Variants in FBLN1 observed in about 807,000 individuals in gnomAD.
The protein encoded by FBLN1 is fibulin 1.
Under a neutral mutation model 89.7 loss-of-function variants are expected in FBLN1, and 34 were observed. The ratio of observed to expected loss-of-function variants is 0.38; its 90% CI spans 0.29 to 0.50. The LOEUF (loss-of-function observed/expected upper bound fraction) is 0.50. FBLN1 is among the 20% of genes least tolerant of loss of function. The pLI, the probability that FBLN1 is intolerant of heterozygous loss-of-function variation, is 0.92. For synonymous variants in FBLN1, 393 were observed against 391.3 expected (o/e 1.00, Z -0.05); for missense variants, 777 against 988.1 (o/e 0.79, Z 2.86).
intron 3 of FBLN1, 89 bp downstream of exon 3, chr22:45,525,767 C>A: frequency 6.6e-7 from 1 of 1,504,830 alleles, no homozygotes; most frequent in Non-Finnish European, 9.0e-7. Context: ...TGTCTGTCAG[C>A]GCTCCCTGCC....
intron 16 of FBLN1, among the ~76,000 whole-genome samples, chr22:45,584,075 T>C (rs760979017): frequency 2.0e-5 from 3 of 152,110 alleles, no homozygotes; most frequent in Admixed American, 2.0e-4. Context: ...GTCAACCGCC[T>C]TAAGGAACTG....
rs1445158746 is a variant in FBLN1, at chr22:45,588,744, T to G, written c.1973-11563T>G. On this transcript the variant is annotated intron_variant, in intron 16 of 16. Coordinates refer to ENST00000327858, the MANE Select transcript of FBLN1 (RefSeq NM_006486.3). The surrounding 1 kb of genome is among the most constrained non-coding windows in gnomAD (Gnocchi z 5.1). ...CCTTTAATATCACCGGGCACATTCATAAATTATTCTTTTTTAAAAATGAAA... is the reference window on the plus strand; with the variant it reads ...CCTTTAATATCACCGGGCACATTCAGAAATTATTCTTTTTTAAAAATGAAA... 6.7e-6 allele frequency among the ~76,000 whole-genome samples: 1 copy of G among 149,448 alleles called. No individual in the cohort carries two copies. Among genetic ancestry groups the G allele is most frequent in the East Asian group, 1.9e-4 (1 of 5,138 alleles).
chr22:45,585,603 C>A (rs139033146), intron 16 of FBLN1, among the ~76,000 whole-genome samples: 1 of 152,224 alleles, frequency 6.6e-6, no homozygotes, highest in African/African-American at 2.4e-5. Context: ...AGCCCTGTCA[C>A]CCCGGGGGCC....
chr22:45,538,510 C>A (rs1211493664), intron 8 of FBLN1, among the ~76,000 whole-genome samples: 3 of 152,176 alleles, frequency 2.0e-5, no homozygotes, highest in Admixed American at 6.5e-5. Context: ...TTCCCCCCCA[C>A]TTGACAGGGT....
rs1036662349 is a variant in FBLN1, at chr22:45,581,011, G to A, written c.1972+3903G>A. Among the ~76,000 whole-genome samples, 2 of 152,340 alleles carry A rather than the reference G, an allele frequency of 1.3e-5. No individual in the cohort carries two copies. The highest frequency in any genetic ancestry group is 2.1e-4 in the South Asian group (1 of 4,824). ...GTGCAAAAATGCTCCATTAATGCCC[G>A]AGGGATTCTCAGGCCACTACAAAGC... On this transcript the variant is annotated intron_variant, in intron 16 of 16. Transcript: ENST00000327858. This position sits in a 1 kb window ranked among gnomAD's most constrained non-coding sequence, Gnocchi z 7.6.
chr22:45,584,361 G>A lies in FBLN1; in HGVS notation c.1972+7253G>A, dbSNP rs185786383. Reference sequence around the variant, plus strand: ...CTACCACAGTTTATGTTTTGAAATCGCATTTTAAATTCCATCTGTGGGTGT... The same window carrying A: ...CTACCACAGTTTATGTTTTGAAATCACATTTTAAATTCCATCTGTGGGTGT... On this transcript the variant is annotated intron_variant, in intron 16 of 16. Transcript: ENST00000327858. Among the ~76,000 whole-genome samples the A allele has an allele frequency of 1.7e-4, 26 of 152,246 alleles. 1 individual carries two copies. The East Asian group carries it at 2.3e-3, about 14-fold the overall frequency.
At position 45,556,150 on chromosome 22, in the gene FBLN1, C is replaced by T. The variant is rs904497191; in HGVS notation, c.1697+5535C>T. Among the ~76,000 whole-genome samples the T allele has an allele frequency of 9.9e-5, 15 of 152,158 alleles. No individual in the cohort carries two copies. Among genetic ancestry groups the T allele is most frequent in the Non-Finnish European group, 1.3e-4 (9 of 68,020 alleles). On this transcript the variant is annotated intron_variant, in intron 14 of 16. Coordinates refer to ENST00000327858, the MANE Select transcript of FBLN1 (RefSeq NM_006486.3). The surrounding 1 kb of genome is among the most constrained non-coding windows in gnomAD (Gnocchi z 4.6). ...AGCTGAGATTACAGGTGTGCACCAC[C>T]ATACCCAGCTAATTTTTCTATTTTA...
At chr22:45,551,036 T>A in intron 14 of FBLN1, 1 of 293,894 alleles carries the variant, frequency 3.4e-6, no homozygotes, top group Non-Finnish European at 6.7e-6. Context: ...CGATGTGACC[T>A]GTTGGACGTT....
At position 45,556,046 on chromosome 22, in the gene FBLN1, A is replaced by G. The variant is rs2088784158; in HGVS notation, c.1697+5431A>G. 6.6e-6 allele frequency among the ~76,000 whole-genome samples: 1 copy of G among 152,132 alleles called. No homozygotes were observed. Among genetic ancestry groups the G allele is most frequent in the Non-Finnish European group, 1.5e-5 (1 of 68,020 alleles). On this transcript the variant is annotated intron_variant, in intron 14 of 16. Transcript: ENST00000327858. The surrounding 1 kb of genome is among the most constrained non-coding windows in gnomAD (Gnocchi z 4.6). The stretch of plus-strand genomic sequence containing the variant: ...AGTCTCCCTCTGTTGCCGAGGCTGA[A>G]GTGTGGTGGTGTGATTTTGTCTCAC...
chr22:45,553,158 A>G (rs2088727842), intron 14 of FBLN1, among the ~76,000 whole-genome samples: 1 of 152,242 alleles, frequency 6.6e-6, no homozygotes, highest in Admixed American at 6.5e-5. Flanking sequence ...GATATCCACA[A>G]GCACCTGGGG....
At chr22:45,594,726 ATGGATAGATGGATGGGTGAG>A (rs1414161581) in intron 16 of FBLN1, among the ~76,000 whole-genome samples, 1 of 149,394 alleles carries the variant, frequency 6.7e-6, no homozygotes, top group African/African-American at 2.5e-5. Flanking sequence ...GGATGGATGG[ATGGATAGATGGATGGGTGAG>A]TGGATAGATG....
At chr22:45,535,362 G>A in intron 8 of FBLN1, 25 bp downstream of exon 8, 1 of 1,613,824 alleles carries the variant, frequency 6.2e-7, no homozygotes, top group South Asian at 1.1e-5. Flanking sequence ...GCCAGGATTA[G>A]CGGGTTATTC....
rs2089131375 is a variant in FBLN1, at chr22:45,590,958, G to A, written c.1973-9349G>A. Among the ~76,000 whole-genome samples, 1 of 152,150 alleles carries A rather than the reference G, an allele frequency of 6.6e-6. No individual in the cohort carries two copies. Among genetic ancestry groups the A allele is most frequent in the Admixed American group, 6.5e-5 (1 of 15,288 alleles). On this transcript the variant is annotated intron_variant, in intron 16 of 16. Transcript: ENST00000327858. The surrounding 1 kb of genome is among the most constrained non-coding windows in gnomAD (Gnocchi z 4.1). ...CGGGGGCCCAGGAGGACCCCACCCA[G>A]CAGGTAGGTGGGTGGAGGCTGAGGT...
intron 11 of FBLN1, 135 bp from the exon 12 acceptor site, chr22:45,546,950 C>T (rs927686904): frequency 2.1e-6 from 3 of 1,414,044 alleles, no homozygotes; most frequent in Admixed American, 1.7e-5. Flanking sequence ...GCCACACCCC[C>T]CGGGACCTCT....
chr22:45,571,428 G>C (rs545786372), intron 14 of FBLN1, among the ~76,000 whole-genome samples: 35 of 152,318 alleles, frequency 2.3e-4, no homozygotes, highest in African/African-American at 7.7e-4. Flanking sequence ...AAAGAGTATA[G>C]TATGAATTAC....
At chr22:45,570,793 C>A (rs1405754157) in intron 14 of FBLN1, among the ~76,000 whole-genome samples, 2 of 151,928 alleles carry the variant, frequency 1.3e-5, no homozygotes, top group Non-Finnish European at 2.9e-5. Context: ...CAACCAACAC[C>A]AAGACACATA....
At position 45,574,749 on chromosome 22, in the gene FBLN1, T is replaced by C; in HGVS notation, c.1840+96T>C. 1 of 906,708 alleles carries C rather than the reference T, an allele frequency of 1.1e-6. No individual in the cohort carries two copies. Among genetic ancestry groups the C allele is most frequent in the South Asian group, 1.5e-5 (1 of 67,190 alleles). 56.2% of individuals were successfully genotyped at this position (906,708 alleles called of 1,614,324 possible). ...TACAGGAGTTGTTCCTTGTAAGATGTGGCCCAGGCTTTGAAATGCAGAACT... is the reference window on the plus strand; with the variant it reads ...TACAGGAGTTGTTCCTTGTAAGATGCGGCCCAGGCTTTGAAATGCAGAACT... On this transcript the variant is annotated intron_variant, in intron 15 of 16. Transcript: ENST00000327858. The surrounding 1 kb of genome is among the most constrained non-coding windows in gnomAD (Gnocchi z 4.1).
Position 45,563,825 on chromosome 22 carries a change from C to T in FBLN1, c.1698-10686C>T, listed in dbSNP as rs188928443. Among the ~76,000 whole-genome samples the T allele has an allele frequency of 1.2e-3, 185 of 152,308 alleles. No homozygotes were observed. Among genetic ancestry groups the T allele is most frequent in the Non-Finnish European group, 1.7e-3 (119 of 68,022 alleles). ...CATTTCACTGAGACAAGAAAGCTCT[C>T]TCCTGAGATTCAAGCCTCCTCTTCT... is the stretch of plus-strand genomic sequence containing the variant. On this transcript the variant is annotated intron_variant, in intron 14 of 16. Coordinates refer to ENST00000327858, the MANE Select transcript of FBLN1 (RefSeq NM_006486.3). This position sits in a 1 kb window ranked among gnomAD's most constrained non-coding sequence, Gnocchi z 5.7.
chr22:45,505,482 C>A (rs1045940788), intron 1 of FBLN1, among the ~76,000 whole-genome samples: 2 of 152,206 alleles, frequency 1.3e-5, no homozygotes, highest in Non-Finnish European at 2.9e-5. Context: ...TGGCTCACGC[C>A]CCGCTCCTGG....
Sources: gnomAD v4.1 joint callset for allele counts (sites outside exome capture counted in the v4.1 genomes callset) on GRCh38, gnomAD v4.1.1 for gene constraint, Gnocchi (gnomAD v3.1) non-coding constraint, MANE v1.5 for transcripts, NCBI Gene and HGNC (gene_info 2026-07-23, HGNC 2026-07-21) for gene names.